Variants in CACNA1A observed in about 807,000 individuals in gnomAD.
The protein encoded by CACNA1A is voltage-dependent P/Q-type calcium channel subunit alpha-1A.
Under a neutral mutation model 262.4 loss-of-function variants are expected in CACNA1A, and 57 were observed. The ratio of observed to expected loss-of-function variants is 0.22; its 90% CI spans 0.18 to 0.27. The LOEUF is 0.27. Among genes scored for constraint, CACNA1A ranks in the 10% least tolerant of loss-of-function variants. The probability of loss-of-function intolerance (pLI) is 1.00; values close to 1 mark genes in which losing one functional copy is unlikely to be tolerated. For missense variants in CACNA1A, 2,526 were observed against 3,562.8 expected, an observed-to-expected ratio of 0.71 and a Z score of 7.41; for synonymous variants, 1,431 against 1,419.3, an observed-to-expected ratio of 1.01 and a Z score of -0.18.
At chr19:13,363,510 A>AC (rs1490449575) in intron 5 of CACNA1A, 17 of 150,444 alleles carry the variant, frequency 1.1e-4, no homozygotes, top group African/African-American at 3.7e-4. Context: ...AAAACCAACA[A>AC]ACCAAAACCC....
In CACNA1A at chr19:13,230,994, T is replaced by G. The variant is rs79825691; in HGVS notation, c.5400+716A>C. On this transcript the variant is annotated intron_variant, in intron 35 of 46. Transcript: ENST00000360228. ...TATTTCTTCCCTCGCAATGTTTTTT[T>G]TTTTTTTGTTTGTTTTTGTTTGTTT... is the stretch of plus-strand genomic sequence containing the variant. Among the ~76,000 whole-genome samples, 1,060 of 132,364 alleles carry G rather than the reference T, an allele frequency of 8.0e-3. 9 individuals are homozygous for G. Among genetic ancestry groups the G allele is most frequent in the Non-Finnish European group, 0.011 (713 of 62,372 alleles). The allele number at this position is 132,364 out of a possible 152,430, so 86.8% of individuals were successfully genotyped here.
chr19:13,443,845 C>T (rs1051627347), intron 3 of CACNA1A, among the ~76,000 whole-genome samples: 1 of 152,164 alleles, frequency 6.6e-6, no homozygotes, highest in African/African-American at 2.4e-5. Context: ...CCACCCCTTA[C>T]CAGCTGTGTG....
At chr19:13,391,633 A>G (rs997252656) in intron 3 of CACNA1A, among the ~76,000 whole-genome samples, 2 of 152,170 alleles carry the variant, frequency 1.3e-5, no homozygotes, top group Non-Finnish European at 2.9e-5. Context: ...GCGGTGGCTC[A>G]CATCGGTAGT....
chr19:13,465,073 C>T (rs1023028446), intron 1 of CACNA1A, among the ~76,000 whole-genome samples: 1 of 152,066 alleles, frequency 6.6e-6, no homozygotes, highest in Non-Finnish European at 1.5e-5. Flanking sequence ...GGACTACAGG[C>T]GTGCAGCACC....
chr19:13,504,479 G>A (rs899814221), intron 1 of CACNA1A, among the ~76,000 whole-genome samples: 1 of 152,046 alleles, frequency 6.6e-6, no homozygotes. Flanking sequence ...GGATCCAAGC[G>A]CCAGGCTCGA....
intron 19 of CACNA1A, among the ~76,000 whole-genome samples, chr19:13,288,723 T>C (rs929960129): frequency 1.3e-5 from 2 of 152,128 alleles, no homozygotes; most frequent in Admixed American, 6.6e-5. Context: ...TGATGCCTTC[T>C]GGACTACAGA....
intron 27 of CACNA1A, chr19:13,257,768 GC>G: frequency 2.6e-6 from 1 of 381,332 alleles, no homozygotes; most frequent in Non-Finnish European, 4.7e-6. Flanking sequence ...ATGGAGTTTC[GC>G]TCTCGTTGCC....
intron 30 of CACNA1A, among the ~76,000 whole-genome samples, chr19:13,251,258 CGGATCATGA>C (rs1036864197): frequency 8.6e-5 from 13 of 151,826 alleles, no homozygotes; most frequent in African/African-American, 2.9e-4. Flanking sequence ...CCGAGGCGGG[CGGATCATGA>C]GGTCAGGAAA....
intron 2 of CACNA1A, 63 bp downstream of exon 2, chr19:13,455,044 T>TC (rs988630898): frequency 2.9e-5 from 28 of 967,470 alleles, no homozygotes; most frequent in Non-Finnish European, 4.5e-5. Flanking sequence ...CCTGCTCCAC[T>TC]CCCCCAAAAA....
At chr19:13,384,019 C>T (rs1260832069) in intron 3 of CACNA1A, among the ~76,000 whole-genome samples, 3 of 152,202 alleles carry the variant, frequency 2.0e-5, no homozygotes, top group Middle Eastern at 3.4e-3. Context: ...GGTCCCAGTA[C>T]GTTTCCCAAG....
intron 11 of CACNA1A, among the ~76,000 whole-genome samples, chr19:13,314,615 G>A (rs2058091415): frequency 6.6e-6 from 1 of 152,170 alleles, no homozygotes; most frequent in South Asian, 2.1e-4. Context: ...ACCTGCCAAT[G>A]CCTTGATCTT....
chr19:13,499,704 A>G (rs891720271), intron 1 of CACNA1A, among the ~76,000 whole-genome samples: 2 of 152,148 alleles, frequency 1.3e-5, no homozygotes, highest in Non-Finnish European at 2.9e-5. Context: ...CTGGTGCCCA[A>G]GATAACATGG....
At chr19:13,317,059 G>A (rs1245709175) in intron 11 of CACNA1A, 53 bp downstream of exon 11, 18 of 1,154,160 alleles carry the variant, frequency 1.6e-5, no homozygotes, top group Non-Finnish European at 2.2e-5. Context: ...GTGGAAAAAG[G>A]GTGTGAGGGA....
At chr19:13,504,885 GA>G (rs547396587) in intron 1 of CACNA1A, among the ~76,000 whole-genome samples, 177 of 152,140 alleles carry the variant, frequency 1.2e-3, no homozygotes, top group African/African-American at 4.0e-3. Context: ...GGGATTTAAA[GA>G]AACACAGAAG....
chr19:13,417,665 G>T (rs996085119), intron 3 of CACNA1A, among the ~76,000 whole-genome samples: 3 of 152,200 alleles, frequency 2.0e-5, no homozygotes, highest in African/African-American at 4.8e-5. Flanking sequence ...GAGGCGGGTG[G>T]ATCACAACAA....
chr19:13,209,732 C>T (rs2054732378), intron 44 of CACNA1A, among the ~76,000 whole-genome samples: 2 of 152,204 alleles, frequency 1.3e-5, no homozygotes, highest in Non-Finnish European at 2.9e-5. Flanking sequence ...CCCTCAGAGA[C>T]AGGACTGCTC....
At chr19:13,321,921 G>T (rs2058262364) in intron 10 of CACNA1A, among the ~76,000 whole-genome samples, 1 of 152,042 alleles carries the variant, frequency 6.6e-6, no homozygotes, top group Non-Finnish European at 1.5e-5. Context: ...AAGTAATTAG[G>T]GCCAGGTGCG....
rs744945 is a variant in CACNA1A at position 13,241,921 on chromosome 19, G to A, written c.4950+3261C>T. Among the ~76,000 whole-genome samples, 33,820 of 152,008 alleles carry A rather than the reference G, an allele frequency of 0.22. 4,137 individuals carry two copies. The highest frequency in any genetic ancestry group is 0.26 in the Non-Finnish European group (17,339 of 67,960). Reference sequence around the variant, plus strand: ...TGAGACAGCACTGGTTAGTACTGCCGCATGCCCTCTGCCCCCTAAACCCCA... The same window carrying A: ...TGAGACAGCACTGGTTAGTACTGCCACATGCCCTCTGCCCCCTAAACCCCA... On this transcript the variant is annotated intron_variant, in intron 31 of 46. Transcript: ENST00000360228. The surrounding 1 kb of genome is among the most constrained non-coding windows in gnomAD (Gnocchi z 4.0).
intron 19 of CACNA1A, among the ~76,000 whole-genome samples, chr19:13,290,535 C>T (rs1224568184): frequency 6.6e-6 from 1 of 151,982 alleles, no homozygotes; most frequent in Non-Finnish European, 1.5e-5. Context: ...TCTTCCCACC[C>T]TGGGTAGCTG....
Sources: allele counts gnomAD v4.1 joint callset (sites outside exome capture counted in the v4.1 genomes callset), GRCh38; gene constraint gnomAD v4.1.1; non-coding constraint Gnocchi (gnomAD v3.1); transcripts MANE v1.5; gene names NCBI Gene and HGNC (gene_info 2026-07-23, HGNC 2026-07-21).